KIAA0825: variants seen among roughly 807,000 people sequenced by gnomAD.
The protein encoded by KIAA0825 is uncharacterized protein KIAA0825.
Under a neutral mutation model 147.6 loss-of-function variants are expected in KIAA0825, and 119 were observed. That is an observed-to-expected ratio of 0.81 (90% CI 0.69 to 0.94). KIAA0825 has a LOEUF of 0.94. KIAA0825 is among the 40% of genes least tolerant of loss of function. The probability of loss-of-function intolerance (pLI) is 0.00; values close to 1 mark genes in which losing one functional copy is unlikely to be tolerated. For missense variants in KIAA0825, 1,381 were observed against 1,472.7 expected (o/e 0.94, Z 1.02); for synonymous variants, 470 against 518.1 (o/e 0.91, Z 1.26).
chr5:94,565,871 C>T (rs1778618227), intron 2 of KIAA0825, among the ~76,000 whole-genome samples: 1 of 152,144 alleles, frequency 6.6e-6, no homozygotes, highest in Admixed American at 6.5e-5. Context: ...GCCTTAAATA[C>T]TTATCATTTA....
chr5:94,376,007 A>G (rs1475695644), intron 20 of KIAA0825, among the ~76,000 whole-genome samples: 1 of 152,240 alleles, frequency 6.6e-6, no homozygotes, highest in East Asian at 1.9e-4. Flanking sequence ...CATGGCCTCG[A>G]GCCAAAATCT....
intron 14 of KIAA0825, 71 bp downstream of exon 14, chr5:94,439,911 G>GA: frequency 1.4e-6 from 2 of 1,451,636 alleles, no homozygotes; most frequent in Admixed American, 2.2e-5. Flanking sequence ...GTTTGCCTAG[G>GA]AAAAAAATGT....
chr5:94,353,095 A>G (rs1308764222), intron 20 of KIAA0825, among the ~76,000 whole-genome samples: 1 of 152,218 alleles, frequency 6.6e-6, no homozygotes, highest in African/African-American at 2.4e-5. Flanking sequence ...AAAATAAATA[A>G]AAATCTTACA....
intron 14 of KIAA0825, among the ~76,000 whole-genome samples, chr5:94,423,453 G>A (rs1034759313): frequency 6.6e-6 from 1 of 152,106 alleles, no homozygotes; most frequent in Non-Finnish European, 1.5e-5. Flanking sequence ...CAAAAGAAGG[G>A]TGGTTTCAGG....
intron 1 of KIAA0825, among the ~76,000 whole-genome samples, chr5:94,590,753 T>G (rs1784203946): frequency 6.6e-6 from 1 of 152,246 alleles, no homozygotes; most frequent in South Asian, 2.1e-4. Context: ...TTGTCAATGT[T>G]GGTAACATTG....
chr5:94,485,061 A>G, intron 5 of KIAA0825, 131 bp from the exon 6 acceptor site: 2 of 508,090 alleles, frequency 3.9e-6, no homozygotes, highest in Admixed American at 8.5e-5. Context: ...AAATTAGTTC[A>G]TTAAGAAATA....
At chr5:94,544,731 A>G (rs1050563887) in intron 2 of KIAA0825, among the ~76,000 whole-genome samples, 2 of 152,152 alleles carry the variant, frequency 1.3e-5, no homozygotes, top group Admixed American at 1.3e-4. Flanking sequence ...ACTAAGGCAA[A>G]TATGCAAAAA....
chr5:94,176,529 T>C (rs967542654), intron 20 of KIAA0825, among the ~76,000 whole-genome samples: 1 of 152,156 alleles, frequency 6.6e-6, no homozygotes, highest in Non-Finnish European at 1.5e-5. Flanking sequence ...CCCAACTTTG[T>C]TGTAAAGTCA....
chr5:94,522,029 C>T (rs1463991510), intron 4 of KIAA0825, among the ~76,000 whole-genome samples: 1 of 151,676 alleles, frequency 6.6e-6, no homozygotes, highest in Admixed American at 6.6e-5. Context: ...AATAATTATA[C>T]CCAATAATTA....
At chr5:94,515,442 G>A (rs1767067095) in intron 5 of KIAA0825, among the ~76,000 whole-genome samples, 1 of 151,960 alleles carries the variant, frequency 6.6e-6, no homozygotes, top group African/African-American at 2.4e-5. Flanking sequence ...AGCCTTATAA[G>A]CTAAATGAAA....
At chr5:94,611,673 T>C (rs1033970218) in intron 1 of KIAA0825, among the ~76,000 whole-genome samples, 3 of 145,432 alleles carry the variant, frequency 2.1e-5, no homozygotes, top group Non-Finnish European at 4.5e-5. Context: ...AGGCTGGGCA[T>C]GGTGCCTCAT....
intron 14 of KIAA0825, among the ~76,000 whole-genome samples, chr5:94,419,823 C>T (rs943558315): frequency 3.9e-5 from 6 of 152,210 alleles, no homozygotes; most frequent in Non-Finnish European, 8.8e-5. Context: ...CCTGGGCAGT[C>T]CTGGTTTAGG....
chr5:94,327,243 A>C (rs2150271418), intron 20 of KIAA0825, among the ~76,000 whole-genome samples: 1 of 152,172 alleles, frequency 6.6e-6, no homozygotes, highest in East Asian at 1.9e-4. Flanking sequence ...TGTACTCTTC[A>C]GTTCCTTTTT....
intron 20 of KIAA0825, among the ~76,000 whole-genome samples, chr5:94,372,626 GC>G (rs1746884913): frequency 6.6e-6 from 1 of 152,182 alleles, no homozygotes; most frequent in Non-Finnish European, 1.5e-5. Flanking sequence ...GAGGAGGGGG[GC>G]CCTGGGCCCA....
At chr5:94,317,633 C>T (rs754285559) in intron 20 of KIAA0825, among the ~76,000 whole-genome samples, 81 of 151,982 alleles carry the variant, frequency 5.3e-4, no homozygotes, top group Non-Finnish European at 9.1e-4. Flanking sequence ...TCAAACATTT[C>T]TCACTAGCAC....
chr5:94,352,503 C>T (rs1317033327), intron 20 of KIAA0825, among the ~76,000 whole-genome samples: 1 of 152,206 alleles, frequency 6.6e-6, no homozygotes, highest in Non-Finnish European at 1.5e-5. Context: ...CTATGGAAAA[C>T]AGTGTGGAGA....
chr5:94,333,837 A>G (rs1234623739), intron 20 of KIAA0825, among the ~76,000 whole-genome samples: 1 of 152,166 alleles, frequency 6.6e-6, no homozygotes, highest in African/African-American at 2.4e-5. Context: ...TCATGAGTGA[A>G]CTTCCATTCA....
intron 1 of KIAA0825, among the ~76,000 whole-genome samples, chr5:94,609,098 C>T (rs1038605387): frequency 1.3e-5 from 2 of 152,150 alleles, no homozygotes; most frequent in African/African-American, 4.8e-5. Flanking sequence ...TAAAATTCCA[C>T]TTGTTAAATT....
intron 20 of KIAA0825, among the ~76,000 whole-genome samples, chr5:94,167,759 T>C (rs773252711): frequency 2.6e-5 from 4 of 152,100 alleles, no homozygotes; most frequent in Non-Finnish European, 4.4e-5. Flanking sequence ...TCTTTTTTAA[T>C]ATTACAGAGG....
Sources: allele counts gnomAD v4.1 joint callset (sites outside exome capture counted in the v4.1 genomes callset), GRCh38; gene constraint gnomAD v4.1.1; transcripts MANE v1.5; gene names NCBI Gene and HGNC (gene_info 2026-07-23, HGNC 2026-07-21).